Variants in EIF2B1 observed in about 807,000 individuals in gnomAD.
EIF2B1 encodes the protein eukaryotic translation initiation factor 2B subunit alpha.
A neutral mutation model predicts 36.8 loss-of-function variants in EIF2B1; 30 were observed. The ratio of observed to expected loss-of-function variants is 0.81; its 90% CI spans 0.61 to 1.10. The LOEUF is 1.10. EIF2B1 is among the 50% of genes least tolerant of loss of function. The pLI, the probability that EIF2B1 is intolerant of heterozygous loss-of-function variation, is 0.00. For missense variants in EIF2B1, 271 were observed against 374.8 expected (o/e 0.72, Z 2.29); for synonymous variants, 139 against 142.2 (o/e 0.98, Z 0.16).
At position 123,630,164 on chromosome 12, in the gene EIF2B1, C is replaced by T; in HGVS notation, c.369+5G>A. 1 of 1,613,110 alleles carries T rather than the reference C, an allele frequency of 6.2e-7. No individual in the cohort carries two copies. Among genetic ancestry groups the T allele is most frequent in the Non-Finnish European group, 8.5e-7 (1 of 1,179,360 alleles). ...TCCTTACCACCATGATGATTATCCACTCACCGCTCCATCTTTGATGAAAGT... is the reference window on the plus strand; with the variant it reads ...TCCTTACCACCATGATGATTATCCATTCACCGCTCCATCTTTGATGAAAGT... On this transcript the variant is annotated splice_donor_5th_base_variant and intron_variant, in intron 4 of 8. Coordinates refer to ENST00000424014, the MANE Select transcript of EIF2B1 (RefSeq NM_001414.4). This position sits in a 1 kb window ranked among gnomAD's most constrained non-coding sequence, Gnocchi z 4.6.
In EIF2B1 at chr12:123,620,980, C is replaced by T. The variant is rs927197065; in HGVS notation, c.*776G>A. On this transcript the variant is annotated 3_prime_UTR_variant, in exon 9 of 9. Transcript: ENST00000424014. ...TAAATGTAGCTGGACAGTGTTTTCC[C>T]CTAGATGGCCTGGTCAGCTTGCAGT... 1 of 152,478 alleles carries T rather than the reference C, an allele frequency of 6.6e-6. No individual in the cohort carries two copies. Among genetic ancestry groups the T allele is most frequent in the African/African-American group, 2.4e-5 (1 of 41,402 alleles). 9.4% of individuals were successfully genotyped at this position (152,478 alleles called of 1,614,324 possible). A position where few individuals can be genotyped will look rare whatever the true frequency, so the allele number is the denominator to read the frequency against.
Position 123,628,762 on chromosome 12 carries a change from G to A in EIF2B1, c.369+1407C>T, listed in dbSNP as rs539421984. Among the ~76,000 whole-genome samples, 11 of 152,242 alleles carry A rather than the reference G, an allele frequency of 7.2e-5. 1 individual carries two copies. The South Asian group carries it at 2.1e-3, about 29-fold the overall frequency. On this transcript the variant is annotated intron_variant, in intron 4 of 8. Transcript: ENST00000424014. Reference sequence around the variant, plus strand: ...CTTTCTGGGTCTCACCTGAGAACCCGTTAGGAAGGCAGGTTCGTGGACCCT... The same window carrying A: ...CTTTCTGGGTCTCACCTGAGAACCCATTAGGAAGGCAGGTTCGTGGACCCT...
At position 123,620,627 on chromosome 12, in the gene EIF2B1, T is replaced by TA. The variant is rs1555284699; in HGVS notation, c.*1128dup. On this transcript the variant is annotated 3_prime_UTR_variant, in exon 9 of 9. Transcript: ENST00000424014. ...ATATATATATATATATATATATATA[T>TA]AAGCTCTTTTTTCTGAGGCTATTTT... The TA allele has an allele frequency of 1.0e-5, 1 of 99,806 alleles. No individual in the cohort carries two copies. The highest frequency in any genetic ancestry group is 3.6e-5 in the African/African-American group (1 of 27,476). 6.2% of individuals were successfully genotyped at this position (99,806 alleles called of 1,614,324 possible). A position where few individuals can be genotyped will look rare whatever the true frequency, so the allele number is the denominator to read the frequency against.
chr12:123,620,580 T>TTTTATA lies in EIF2B1; in HGVS notation c.*1175_*1176insTATAAA, dbSNP rs1491406627. On this transcript the variant is annotated 3_prime_UTR_variant, in exon 9 of 9. Coordinates refer to ENST00000424014, the MANE Select transcript of EIF2B1 (RefSeq NM_001414.4). Reference sequence around the variant, plus strand: ...GGTCACATATAGACATATGTACATATTATATATATATATATATATATATAT... The same window carrying TTTTATA: ...GGTCACATATAGACATATGTACATATTTTATATATATATATATATATATATATATAT... 6.1e-5 allele frequency: 4 copies of TTTTATA among 65,360 alleles called. No homozygotes were observed. The highest frequency in any genetic ancestry group is 2.8e-3 in the East Asian group (2 of 724). The allele number at this position is 65,360 out of a possible 1,614,324, so 4.0% of individuals were successfully genotyped here.
At chr12:123,624,106 TATAA>T (rs202013154) in intron 7 of EIF2B1, among the ~76,000 whole-genome samples, 3,686 of 149,074 alleles carry the variant, frequency 0.025, 71 homozygotes, top group East Asian at 0.085. Flanking sequence ...TATGTAAATA[TATAA>T]ATAATATTTT....
At position 123,630,954 on chromosome 12, in the gene EIF2B1, G is replaced by A. The variant is rs149750508; in HGVS notation, c.116-421C>T. The stretch of plus-strand genomic sequence containing the variant: ...GTTGCCTTAAAGACATGTGTCTCTA[G>A]GCAAGCCCTTCAGATTAAAGGCTGC... On this transcript the variant is annotated intron_variant, in intron 2 of 8. Coordinates refer to ENST00000424014, the MANE Select transcript of EIF2B1 (RefSeq NM_001414.4). This position sits in a 1 kb window ranked among gnomAD's most constrained non-coding sequence, Gnocchi z 4.6. 6.6e-6 allele frequency among the ~76,000 whole-genome samples: 1 copy of A among 152,280 alleles called. No individual in the cohort carries two copies. The highest frequency in any genetic ancestry group is 1.9e-4 in the East Asian group (1 of 5,188).
chr12:123,629,718 A>G (rs908144925), intron 4 of EIF2B1, among the ~76,000 whole-genome samples: 3 of 152,152 alleles, frequency 2.0e-5, no homozygotes, highest in Middle Eastern at 3.2e-3. Flanking sequence ...GTGTGAACCC[A>G]GGAGGCGGAG....
At chr12:123,627,755 G>C (rs1029759548) in intron 4 of EIF2B1, among the ~76,000 whole-genome samples, 6 of 152,168 alleles carry the variant, frequency 3.9e-5, no homozygotes, top group African/African-American at 1.4e-4. Flanking sequence ...TTGGGAGGCC[G>C]AGGTGGGAGG....
chr12:123,632,447 C>T lies in EIF2B1; in HGVS notation c.14-1G>A. ...TGAGACTTAAAGTATTCAATTAACT[C>T]TGGAAAAAGGGAAAAAAGTGATTCA... On this transcript the variant is annotated splice_acceptor_variant, in intron 1 of 8. Coordinates refer to ENST00000424014, the MANE Select transcript of EIF2B1 (RefSeq NM_001414.4). LOFTEE classifies it high-confidence loss of function. The T allele has an allele frequency of 1.9e-6, 3 of 1,609,126 alleles. No homozygotes were observed. The South Asian group carries it at 3.3e-5, about 18-fold the overall frequency.
At chr12:123,622,169 C>T (rs1056596908) in intron 8 of EIF2B1, among the ~76,000 whole-genome samples, 18 of 152,212 alleles carry the variant, frequency 1.2e-4, no homozygotes, top group African/African-American at 3.4e-4. Context: ...GCCGGATTAA[C>T]TTCTCCAGAC....
rs1395811144 is a variant in EIF2B1 at position 123,626,886 on chromosome 12, T to C, written c.482+158A>G. On this transcript the variant is annotated intron_variant, in intron 5 of 8. Coordinates refer to ENST00000424014, the MANE Select transcript of EIF2B1 (RefSeq NM_001414.4). ...ATACTGCGGCCTGCTGCAAATTCAGTGATTTTTCTTCCAAAGGCAGGAAAA... is the reference window on the plus strand; with the variant it reads ...ATACTGCGGCCTGCTGCAAATTCAGCGATTTTTCTTCCAAAGGCAGGAAAA... 3 of 745,784 alleles carry C rather than the reference T, an allele frequency of 4.0e-6. No individual in the cohort carries two copies. The African/African-American group carries it at 5.2e-5, about 13-fold the overall frequency. The allele number at this position is 745,784 out of a possible 1,614,324, so 46.2% of individuals were successfully genotyped here.
rs749563752 is a variant in EIF2B1 at position 123,633,623 on chromosome 12, G to C, written c.-66C>G. On this transcript the variant is annotated 5_prime_UTR_variant, in exon 1 of 9. Transcript: ENST00000424014. ...CCGCGCTGTCTCGAACGGGTCCGCCGGCCGCGCCGCCTGCGAGCCAGTCTG... is the reference window on the plus strand; with the variant it reads ...CCGCGCTGTCTCGAACGGGTCCGCCCGCCGCGCCGCCTGCGAGCCAGTCTG... 2.5e-6 allele frequency: 4 copies of C among 1,597,106 alleles called. No homozygotes were observed. The African/African-American group carries it at 5.4e-5, about 21-fold the overall frequency.
At chr12:123,627,962 G>A (rs1955160807) in intron 4 of EIF2B1, among the ~76,000 whole-genome samples, 1 of 152,230 alleles carries the variant, frequency 6.6e-6, no homozygotes, top group South Asian at 2.1e-4. Context: ...TTGAAATGAT[G>A]GCTAACTAAT....
At position 123,630,184 on chromosome 12, in the gene EIF2B1, G is replaced by GA; in HGVS notation, c.353dup (p.Ile119HisfsTer31). On this transcript the variant is annotated frameshift_variant, in exon 4 of 9. Transcript: ENST00000424014. LOFTEE classifies it high-confidence loss of function. The surrounding 1 kb of genome is among the most constrained non-coding windows in gnomAD (Gnocchi z 4.6). Reference sequence around the variant, plus strand: ...ATCCACTCACCGCTCCATCTTTGATGAAAGTATGGCACAGATCTGCAATTT... The same window carrying GA: ...ATCCACTCACCGCTCCATCTTTGATGAAAAGTATGGCACAGATCTGCAATTT... 6.2e-7 allele frequency: 1 copy of GA among 1,613,880 alleles called. No homozygotes were observed. The highest frequency in any genetic ancestry group is 1.7e-5 in the Admixed American group (1 of 60,030).
intron 5 of EIF2B1, 68 bp downstream of exon 5, chr12:123,626,976 G>T: frequency 7.1e-7 from 1 of 1,403,934 alleles, no homozygotes; most frequent in Non-Finnish European, 1.0e-6. Flanking sequence ...TGATCCTGTT[G>T]GACTGTAATC....
Position 123,621,278 on chromosome 12 carries a change from C to T in EIF2B1, c.*478G>A. On this transcript the variant is annotated 3_prime_UTR_variant, in exon 9 of 9. Transcript: ENST00000424014. Reference sequence around the variant, plus strand: ...TGATCCTGCTGAGGAATGTGCTTACCACTGGAAGCCAGATGCAGATTCAGC... The same window carrying T: ...TGATCCTGCTGAGGAATGTGCTTACTACTGGAAGCCAGATGCAGATTCAGC... 1 of 253,838 alleles carries T rather than the reference C, an allele frequency of 3.9e-6. No homozygotes were observed. 15.7% of individuals were successfully genotyped at this position (253,838 alleles called of 1,614,324 possible). A position where few individuals can be genotyped will look rare whatever the true frequency, so the allele number is the denominator to read the frequency against.
rs1183804483 is a variant in EIF2B1 at position 123,629,002 on chromosome 12, C to A, written c.369+1167G>T. On this transcript the variant is annotated intron_variant, in intron 4 of 8. Coordinates refer to ENST00000424014, the MANE Select transcript of EIF2B1 (RefSeq NM_001414.4). ...GGTCTGTGGAAGGAGAAGGCCCCAG[C>A]GAGAGGAAGTCACAACCTTGCCTCC... Among the ~76,000 whole-genome samples, 4 of 152,196 alleles carry A rather than the reference C, an allele frequency of 2.6e-5. No individual in the cohort carries two copies. In the East Asian group the frequency reaches 5.8e-4, roughly 22 times the overall value.
At chr12:123,626,146 A>T (rs1224047452) in intron 6 of EIF2B1, 3 of 448,154 alleles carry the variant, frequency 6.7e-6, no homozygotes, top group Non-Finnish European at 1.2e-5. Flanking sequence ...AAAACAAAAA[A>T]CAAACAAACA....
chr12:123,632,454 A>G lies in EIF2B1; in HGVS notation c.14-8T>C. Reference sequence around the variant, plus strand: ...TAAAGTATTCAATTAACTCTGGAAAAAGGGAAAAAAGTGATTCACCTAATT... The same window carrying G: ...TAAAGTATTCAATTAACTCTGGAAAGAGGGAAAAAAGTGATTCACCTAATT... On this transcript the variant is annotated splice_region_variant and splice_polypyrimidine_tract_variant and intron_variant, in intron 1 of 8. Transcript: ENST00000424014. 6.3e-7 allele frequency: 1 copy of G among 1,588,732 alleles called. No individual in the cohort carries two copies. Among genetic ancestry groups the G allele is most frequent in the Non-Finnish European group, 8.6e-7 (1 of 1,158,012 alleles).
Sources: gnomAD v4.1 joint callset for allele counts (sites outside exome capture counted in the v4.1 genomes callset) on GRCh38, gnomAD v4.1.1 for gene constraint, Gnocchi (gnomAD v3.1) non-coding constraint, MANE v1.5 for transcripts, NCBI Gene and HGNC (gene_info 2026-07-23, HGNC 2026-07-21) for gene names.